The following MCAM variants were observed in gnomAD, a reference collection of about 807,000 sequenced individuals.
MCAM encodes the protein cell surface glycoprotein MUC18.
MCAM carries 55 observed loss-of-function variants against 79.1 expected under a neutral mutation model. The observed-to-expected ratio is 0.70, with a 90% CI of 0.56 to 0.87. The LOEUF (loss-of-function observed/expected upper bound fraction) is 0.87, where lower values mean the gene tolerates loss of function less well. MCAM is among the 40% of genes least tolerant of loss of function. MCAM has a pLI of 0.00. For synonymous variants in MCAM, 330 were observed against 339.8 expected, an observed-to-expected ratio of 0.97 and a Z score of 0.32; for missense variants, 745 against 839.8, an observed-to-expected ratio of 0.89 and a Z score of 1.40.
Position 119,315,242 on chromosome 11 carries a change from T to A in MCAM, c.89A>T (p.Gln30Leu), listed in dbSNP as rs764921421. Residue 30 changes from glutamine (Q) to leucine (L), a missense_variant, in exon 2 of 16, where the codon CAG (glutamine) becomes CTG (leucine). By Grantham distance (113) the Gln-to-Leu change is moderately radical (BLOSUM62 -2). Coordinates refer to ENST00000264036, the MANE Select transcript of MCAM (RefSeq NM_006500.3). This position sits in a 1 kb window ranked among gnomAD's most constrained non-coding sequence, Gnocchi z 4.4. ...RVAGVPGEAE[Q>L]PAPELVEVEV... ...CACCTCCACCAGCTCAGGCGCAGGC[T>A]GCTCAGCCTCTCCGGGCACACCTGG... 1 of 1,611,422 alleles carries A rather than the reference T, an allele frequency of 6.2e-7. No homozygotes were observed. The highest frequency in any genetic ancestry group is 8.5e-7 in the Non-Finnish European group (1 of 1,179,852).
rs561819460 is a variant in MCAM, at chr11:119,314,692, T to C, written c.458A>G (p.Lys153Arg). 1.2e-6 allele frequency: 2 copies of C among 1,614,000 alleles called. No homozygotes were observed. The highest frequency in any genetic ancestry group is 1.7e-6 in the Non-Finnish European group (2 of 1,180,008). The change falls in exon 4 of 16, where the codon AAG becomes AGG. Residue 153 changes from lysine (K) to arginine (R), a missense_variant. Physicochemically the swap from Lys to Arg is conservative, Grantham distance 26. Transcript: ENST00000264036. ...CACACATCTCACCTCCTCAGGCTCCTTACTGTTCACAGGGATGCCCAGGGG... is the reference window on the plus strand; with the variant it reads ...CACACATCTCACCTCCTCAGGCTCCCTACTGTTCACAGGGATGCCCAGGGG... ...VNPLGIPVNS[K>R]EPEEVATCVG... is the part of the protein sequence containing the mutation.
chr11:119,317,019 C>G lies in MCAM; in HGVS notation c.67+16G>C. On this transcript the variant is annotated intron_variant, in intron 1 of 15. Coordinates refer to ENST00000264036, the MANE Select transcript of MCAM (RefSeq NM_006500.3). The surrounding 1 kb of genome is among the most constrained non-coding windows in gnomAD (Gnocchi z 6.2). ...GACCCCTAGCCGGGGCGCGGCCCCC[C>G]TGCGAGCGAACTCACCCGCGACGCG... is the stretch of plus-strand genomic sequence containing the variant. 6.5e-7 allele frequency: 1 copy of G among 1,529,740 alleles called. No individual in the cohort carries two copies. Among genetic ancestry groups the G allele is most frequent in the Non-Finnish European group, 8.7e-7 (1 of 1,143,112 alleles). 94.8% of individuals were successfully genotyped at this position (1,529,740 alleles called of 1,614,324 possible).
chr11:119,316,788 C>T lies in MCAM; in HGVS notation c.67+247G>A, dbSNP rs1057479141. ...CGAAAGGCTGAGCTCCACCCCTTCTCGTTCCCAGAAGCAGCCTCCTCCCCG... is the reference window on the plus strand; with the variant it reads ...CGAAAGGCTGAGCTCCACCCCTTCTTGTTCCCAGAAGCAGCCTCCTCCCCG... On this transcript the variant is annotated intron_variant, in intron 1 of 15. Transcript: ENST00000264036. The surrounding 1 kb of genome is among the most constrained non-coding windows in gnomAD (Gnocchi z 4.8). 6.0e-6 allele frequency: 3 copies of T among 502,456 alleles called. No homozygotes were observed. Among genetic ancestry groups the T allele is most frequent in the Admixed American group, 7.7e-5 (2 of 26,054 alleles). 31.1% of individuals were successfully genotyped at this position (502,456 alleles called of 1,614,324 possible).
chr11:119,311,989 C>G lies in MCAM; in HGVS notation c.1144-40G>C. ...GGGTCAGAGGGTCTGGGAAAGAGCA[C>G]ATTCTTGTCACCGCCAGCCCCACCC... On this transcript the variant is annotated intron_variant, in intron 9 of 15. Coordinates refer to ENST00000264036, the MANE Select transcript of MCAM (RefSeq NM_006500.3). The surrounding 1 kb of genome is among the most constrained non-coding windows in gnomAD (Gnocchi z 4.4). The G allele has an allele frequency of 1.2e-6, 2 of 1,610,854 alleles. No individual in the cohort carries two copies. The highest frequency in any genetic ancestry group is 1.7e-6 in the Non-Finnish European group (2 of 1,178,464).
At position 119,315,498 on chromosome 11, in the gene MCAM, C is replaced by G. The variant is rs1235725902; in HGVS notation, c.68-235G>C. 1.8e-6 allele frequency: 1 copy of G among 547,596 alleles called. No individual in the cohort carries two copies. Among genetic ancestry groups the G allele is most frequent in the Admixed American group, 3.1e-5 (1 of 32,216 alleles). 33.9% of individuals were successfully genotyped at this position (547,596 alleles called of 1,614,324 possible). A position where few individuals can be genotyped will look rare whatever the true frequency, so the allele number is the denominator to read the frequency against. On this transcript the variant is annotated intron_variant, in intron 1 of 15. Coordinates refer to ENST00000264036, the MANE Select transcript of MCAM (RefSeq NM_006500.3). The surrounding 1 kb of genome is among the most constrained non-coding windows in gnomAD (Gnocchi z 4.4). ...CAGAGATTGAGCAGAGACTGAGCAC[C>G]GAACAGCTCCAGCTGAGGCTGGTAG...
Position 119,316,306 on chromosome 11 carries a change from G to A in MCAM, c.67+729C>T, listed in dbSNP as rs2135348086. 1 of 152,408 alleles carries A rather than the reference G, an allele frequency of 6.6e-6. No homozygotes were observed. Among genetic ancestry groups the A allele is most frequent in the Non-Finnish European group, 1.5e-5 (1 of 68,058 alleles). The allele number at this position is 152,408 out of a possible 1,614,324, so 9.4% of individuals were successfully genotyped here. On this transcript the variant is annotated intron_variant, in intron 1 of 15. Coordinates refer to ENST00000264036, the MANE Select transcript of MCAM (RefSeq NM_006500.3). The surrounding 1 kb of genome is among the most constrained non-coding windows in gnomAD (Gnocchi z 4.8). Reference sequence around the variant, plus strand: ...GCGACACCGCTGCGGGCCATACAAGGGCAGCGTGGACCCGAGAGCGCCCTG... The same window carrying A: ...GCGACACCGCTGCGGGCCATACAAGAGCAGCGTGGACCCGAGAGCGCCCTG...
chr11:119,310,308 T>G (rs1950211463), intron 15 of MCAM, 41 bp downstream of exon 15: 1 of 1,320,686 alleles, frequency 7.6e-7, no homozygotes, highest in Non-Finnish European at 1.1e-6. Context: ...CCCCGGTCCC[T>G]GAGGATGTGG....
At chr11:119,313,385 C>T (rs1354607898) in intron 5 of MCAM, 1 of 1,175,512 alleles carries the variant, frequency 8.5e-7, no homozygotes, top group Non-Finnish European at 1.1e-6. Context: ...GGTTTCTCAG[C>T]ACTACTGATA....
rs375856085 is a variant in MCAM, at chr11:119,310,386, T to G, written c.1874A>C (p.Gln625Pro). The part of the protein sequence containing the change: ...DKLPEEMGLL[Q>P]GSSGDKRAPG... ...AGCCCTCTTGTCACCGCTGCTGCCC[T>G]GCAGGAGGCCCATCTCTTCTGGGAG... The change falls in exon 15 of 16, where the codon CAG becomes CCG. Residue 625 changes from glutamine (Q) to proline (P), a missense_variant. Transcript: ENST00000264036. The G allele has an allele frequency of 2.4e-4, 391 of 1,613,896 alleles. No individual in the cohort carries two copies. The highest frequency in any genetic ancestry group is 3.1e-4 in the Non-Finnish European group (371 of 1,179,972).
In MCAM at chr11:119,317,076, G is replaced by T; in HGVS notation, c.26C>A (p.Ala9Asp). 1 of 1,534,506 alleles carries T rather than the reference G, an allele frequency of 6.5e-7. No individual in the cohort carries two copies. Among genetic ancestry groups the T allele is most frequent in the Non-Finnish European group, 8.7e-7 (1 of 1,144,264 alleles). MGLPRLVC[A>D]FLLAACCCCP... ...GCAGCAGCAGGCGGCGAGCAAGAAG[G>T]CGCAGACCAGCCTGGGAAGCCCCAT... Residue 9 changes from alanine to aspartate, a missense_variant, in exon 1 of 16, where the codon GCC (alanine) becomes GAC (aspartate). Coordinates refer to ENST00000264036, the MANE Select transcript of MCAM (RefSeq NM_006500.3). The surrounding 1 kb of genome is among the most constrained non-coding windows in gnomAD (Gnocchi z 6.2).
At position 119,311,066 on chromosome 11, in the gene MCAM, G is replaced by A. The variant is rs763509937; in HGVS notation, c.1645+24C>T. ...AGAAAGGATGCCCTGGCACAGCCCT[G>A]TTCTCTTGCCAGGCCTGGCTTACCT... is the stretch of plus-strand genomic sequence containing the variant. On this transcript the variant is annotated intron_variant, in intron 13 of 15. Transcript: ENST00000264036. This position sits in a 1 kb window ranked among gnomAD's most constrained non-coding sequence, Gnocchi z 4.4. 6.2e-7 allele frequency: 1 copy of A among 1,614,124 alleles called. No homozygotes were observed. Among genetic ancestry groups the A allele is most frequent in the Non-Finnish European group, 8.5e-7 (1 of 1,180,038 alleles).
chr11:119,311,986 G>A lies in MCAM; in HGVS notation c.1144-37C>T. ...GATGGGTCAGAGGGTCTGGGAAAGA[G>A]CACATTCTTGTCACCGCCAGCCCCA... On this transcript the variant is annotated intron_variant, in intron 9 of 15. Coordinates refer to ENST00000264036, the MANE Select transcript of MCAM (RefSeq NM_006500.3). This position sits in a 1 kb window ranked among gnomAD's most constrained non-coding sequence, Gnocchi z 4.4. The A allele has an allele frequency of 6.2e-7, 1 of 1,611,426 alleles. No homozygotes were observed. Among genetic ancestry groups the A allele is most frequent in the Non-Finnish European group, 8.5e-7 (1 of 1,178,846 alleles).
intron 4 of MCAM, 51 bp from the exon 5 acceptor site, chr11:119,314,627 C>T: frequency 1.2e-6 from 2 of 1,611,600 alleles, no homozygotes; most frequent in Non-Finnish European, 1.7e-6. Context: ...CCTTCAAGCC[C>T]CATCTCAGCG....
At position 119,311,910 on chromosome 11, in the gene MCAM, G is replaced by T. The variant is rs765647621; in HGVS notation, c.1183C>A (p.His395Asn). 4 of 1,614,008 alleles carry T rather than the reference G, an allele frequency of 2.5e-6. No individual in the cohort carries two copies. The highest frequency in any genetic ancestry group is 3.4e-6 in the Non-Finnish European group (4 of 1,180,010). ...VLERGPVLQL[H>N]DLKREAGGGY... ...CCTCCTGCCTCCCGTTTCAGGTCAT[G>T]CAACTGAAGCACAGGCCCCCTTTCC... Residue 395 changes from histidine to asparagine, a missense_variant, in exon 10 of 16, where the codon CAT (histidine) becomes AAT (asparagine). By Grantham distance (68) the His-to-Asn change is moderately conservative (BLOSUM62 1). Coordinates refer to ENST00000264036, the MANE Select transcript of MCAM (RefSeq NM_006500.3). This position sits in a 1 kb window ranked among gnomAD's most constrained non-coding sequence, Gnocchi z 4.4.
Position 119,310,333 on chromosome 11 carries a change from A to G in MCAM, c.1911+16T>C. 2 of 1,559,402 alleles carry G rather than the reference A, an allele frequency of 1.3e-6. No homozygotes were observed. Among genetic ancestry groups the G allele is most frequent in the East Asian group, 2.2e-5 (1 of 44,624 alleles). On this transcript the variant is annotated intron_variant, in intron 15 of 15. Transcript: ENST00000264036. ...TGAGGATGTGGCAGGCTCTGGCCACAGGAACCGCCTCCTACCTGGTCTCCC... is the reference window on the plus strand; with the variant it reads ...TGAGGATGTGGCAGGCTCTGGCCACGGGAACCGCCTCCTACCTGGTCTCCC...
rs1591289615 is a variant in MCAM, at chr11:119,317,026, C to T, written c.67+9G>A. The T allele has an allele frequency of 1.3e-6, 2 of 1,530,630 alleles. No individual in the cohort carries two copies. Among genetic ancestry groups the T allele is most frequent in the South Asian group, 1.2e-5 (1 of 83,418 alleles). 94.8% of individuals were successfully genotyped at this position (1,530,630 alleles called of 1,614,324 possible). A position where few individuals can be genotyped will look rare whatever the true frequency, so the allele number is the denominator to read the frequency against. ...AGCCGGGGCGCGGCCCCCCTGCGAG[C>T]GAACTCACCCGCGACGCGAGGACAG... On this transcript the variant is annotated intron_variant, in intron 1 of 15. Transcript: ENST00000264036. The surrounding 1 kb of genome is among the most constrained non-coding windows in gnomAD (Gnocchi z 6.2).
rs575951793 is a variant in MCAM, at chr11:119,315,274, G to A, written c.68-11C>T. The A allele has an allele frequency of 1.8e-5, 29 of 1,604,312 alleles. No homozygotes were observed. Among genetic ancestry groups the A allele is most frequent in the Non-Finnish European group, 2.4e-5 (28 of 1,178,428 alleles). ...CCTCTCCGGGCACACCTGGGGGAGGGAGGCGGGGCCCCCGCAGCTGTGTCA... is the reference window on the plus strand; with the variant it reads ...CCTCTCCGGGCACACCTGGGGGAGGAAGGCGGGGCCCCCGCAGCTGTGTCA... On this transcript the variant is annotated splice_polypyrimidine_tract_variant and intron_variant, in intron 1 of 15. Coordinates refer to ENST00000264036, the MANE Select transcript of MCAM (RefSeq NM_006500.3). The surrounding 1 kb of genome is among the most constrained non-coding windows in gnomAD (Gnocchi z 4.4).
Position 119,317,003 on chromosome 11 carries a change from C to A in MCAM, c.67+32G>T, listed in dbSNP as rs762639587. 46 of 1,518,234 alleles carry A rather than the reference C, an allele frequency of 3.0e-5. No homozygotes were observed. Among genetic ancestry groups the A allele is most frequent in the Non-Finnish European group, 4.1e-5 (46 of 1,134,856 alleles). 94.0% of individuals were successfully genotyped at this position (1,518,234 alleles called of 1,614,324 possible). ...GGCACGCTCCACCGCAGACCCCTAG[C>A]CGGGGCGCGGCCCCCCTGCGAGCGA... On this transcript the variant is annotated intron_variant, in intron 1 of 15. Coordinates refer to ENST00000264036, the MANE Select transcript of MCAM (RefSeq NM_006500.3). This position sits in a 1 kb window ranked among gnomAD's most constrained non-coding sequence, Gnocchi z 6.2.
At position 119,308,551 on chromosome 11, in the gene MCAM, T is replaced by G. The variant is rs1363857844; in HGVS notation, c.*1335A>C. ...TGATTTCTGGGACAATTAAGCTTTA[T>G]TTTTCATATATATATATATTTTCAT... On this transcript the variant is annotated 3_prime_UTR_variant, in exon 16 of 16. Coordinates refer to ENST00000264036, the MANE Select transcript of MCAM (RefSeq NM_006500.3). 1 of 150,806 alleles carries G rather than the reference T, an allele frequency of 6.6e-6. No individual in the cohort carries two copies. Among genetic ancestry groups the G allele is most frequent in the African/African-American group, 2.4e-5 (1 of 41,172 alleles). 9.3% of individuals were successfully genotyped at this position (150,806 alleles called of 1,614,324 possible).
Sources: allele counts gnomAD v4.1 joint callset, GRCh38; gene constraint gnomAD v4.1.1; non-coding constraint Gnocchi (gnomAD v3.1); transcripts MANE v1.5; gene names NCBI Gene and HGNC (gene_info 2026-07-23, HGNC 2026-07-21).